Variants in PLEKHG4B observed in about 807,000 individuals in gnomAD.
PLEKHG4B encodes pleckstrin homology and RhoGEF domain containing G4B.
PLEKHG4B carries 111 observed loss-of-function variants against 121.3 expected under a neutral mutation model. That is an observed-to-expected ratio of 0.92 (90% CI 0.78 to 1.07). The LOEUF (loss-of-function observed/expected upper bound fraction) is 1.07. PLEKHG4B is among the 50% of genes least tolerant of loss of function. The probability of loss-of-function intolerance (pLI) is 0.00; values close to 1 mark genes in which losing one functional copy is unlikely to be tolerated. For synonymous variants in PLEKHG4B, 738 were observed against 725.0 expected, an observed-to-expected ratio of 1.02 and a Z score of -0.29; for missense variants, 1,831 against 1,757.8, an observed-to-expected ratio of 1.04 and a Z score of -0.74.
chr5:173,707 C>A (rs1326426848), intron 17 of PLEKHG4B, among the ~76,000 whole-genome samples: 1 of 152,048 alleles, frequency 6.6e-6, no homozygotes, highest in East Asian at 1.9e-4. Flanking sequence ...CACACACGGA[C>A]AGCTATCCTG....
intron 13 of PLEKHG4B, 167 bp from the exon 14 acceptor site, chr5:169,173 C>A: frequency 1.1e-6 from 1 of 905,228 alleles, no homozygotes; most frequent in Non-Finnish European, 1.6e-6. Context: ...CACGCCTGGC[C>A]GGAAGCTTTT....
chr5:135,059 G>A (rs1414066840), intron 2 of PLEKHG4B, among the ~76,000 whole-genome samples: 1 of 151,250 alleles, frequency 6.6e-6, no homozygotes, highest in Non-Finnish European at 1.5e-5. Flanking sequence ...CATGGTGGCG[G>A]GCGCCTGTAG....
At position 169,511 on chromosome 5, in the gene PLEKHG4B, C is replaced by A; in HGVS notation, c.3648C>A (p.Asp1216Glu). Residue 1216 changes from aspartate to glutamate, a missense_variant, in exon 14 of 20, where the codon GAC becomes GAA. Transcript: ENST00000637938. ...VIFGNLEKLH[D>E]FHQQHFLREL... ...TCGGCAACTTGGAGAAGCTCCACGA[C>A]TTCCACCAGCAGCACTTCCTCCGGG... 1 of 1,614,048 alleles carries A rather than the reference C, an allele frequency of 6.2e-7. No homozygotes were observed. The highest frequency in any genetic ancestry group is 1.3e-5 in the African/African-American group (1 of 74,964).
At chr5:162,695 C>A in intron 12 of PLEKHG4B, 27 bp from the exon 13 acceptor site, 1 of 1,418,306 alleles carries the variant, frequency 7.1e-7, no homozygotes, top group Non-Finnish European at 9.2e-7. Context: ...CTCCACTGCA[C>A]TGAGCAGAGC....
intron 2 of PLEKHG4B, among the ~76,000 whole-genome samples, chr5:135,679 AAAAATATAT>A (rs1279311464): frequency 2.6e-4 from 15 of 57,124 alleles, no homozygotes; most frequent in Admixed American, 4.2e-4. Context: ...AAAAAAAAAA[AAAAATATAT>A]ATATATATAT....
At chr5:163,999 G>A (rs1215079291) in intron 13 of PLEKHG4B, among the ~76,000 whole-genome samples, 6 of 152,278 alleles carry the variant, frequency 3.9e-5, no homozygotes, top group African/African-American at 1.4e-4. Context: ...AGCCTGCAAA[G>A]GACGCGTCCA....
rs115625431 is a variant in PLEKHG4B, at chr5:139,134, C to A, written c.244-349C>A. Among the ~76,000 whole-genome samples the A allele has an allele frequency of 0.025, 3,789 of 152,288 alleles. 147 individuals are homozygous for A. The highest frequency in any genetic ancestry group is 0.082 in the African/African-American group (3,417 of 41,546). Reference sequence around the variant, plus strand: ...AAGTGTGGACGCCCGGCCCCTTGCCCAGGCTGGGACCACTCTGAGGGACAA... The same window carrying A: ...AAGTGTGGACGCCCGGCCCCTTGCCAAGGCTGGGACCACTCTGAGGGACAA... On this transcript the variant is annotated intron_variant, in intron 2 of 19. Transcript: ENST00000637938. The surrounding 1 kb of genome is among the most constrained non-coding windows in gnomAD (Gnocchi z 5.0).
intron 1 of PLEKHG4B, among the ~76,000 whole-genome samples, chr5:111,900 CATGGA>C (rs1734169434): frequency 6.6e-6 from 1 of 150,596 alleles, no homozygotes; most frequent in African/African-American, 2.5e-5. Flanking sequence ...CACTCATTCT[CATGGA>C]CTGTGTGACC....
At chr5:114,163 G>T (rs1282175019) in intron 2 of PLEKHG4B, among the ~76,000 whole-genome samples, 2 of 152,188 alleles carry the variant, frequency 1.3e-5, no homozygotes, top group African/African-American at 4.8e-5. Context: ...CCTTAATGTT[G>T]ATGGCTGCTG....
At chr5:173,417 C>T (rs190332524) in intron 17 of PLEKHG4B, among the ~76,000 whole-genome samples, 1 of 152,198 alleles carries the variant, frequency 6.6e-6, no homozygotes, top group Non-Finnish European at 1.5e-5. Flanking sequence ...GCTGATGCAC[C>T]ACGTTGGGCA....
chr5:139,874 C>G lies in PLEKHG4B; in HGVS notation c.635C>G (p.Ser212Cys), dbSNP rs1418651963. 7.5e-6 allele frequency: 3 copies of G among 400,246 alleles called. No homozygotes were observed. Among genetic ancestry groups the G allele is most frequent in the Non-Finnish European group, 1.3e-5 (3 of 227,260 alleles). The allele number at this position is 400,246 out of a possible 1,614,324, so 24.8% of individuals were successfully genotyped here. The change falls in exon 3 of 20, where the codon TCC (serine) becomes TGC (cysteine). Residue 212 changes from serine to cysteine, a missense_variant. Physicochemically the swap from Ser to Cys is moderately radical, Grantham distance 112 (BLOSUM62 -1). Coordinates refer to ENST00000637938, the MANE Select transcript of PLEKHG4B (RefSeq NM_052909.5). This position sits in a 1 kb window ranked among gnomAD's most constrained non-coding sequence, Gnocchi z 5.0. ...CCTGGAGCCATCCTGCAGAGCTACTCCAGCTGCACAGGTCCTGAGCGGCTG... is the reference window on the plus strand; with the variant it reads ...CCTGGAGCCATCCTGCAGAGCTACTGCAGCTGCACAGGTCCTGAGCGGCTG... Reference protein sequence around the residue: ...PSPGAILQSYSSCTGPERLPS... With the variant: ...PSPGAILQSYCSCTGPERLPS...
Position 157,055 on chromosome 5 carries a change from C to G in PLEKHG4B, c.2487+144C>G. On this transcript the variant is annotated intron_variant, in intron 11 of 19. Coordinates refer to ENST00000637938, the MANE Select transcript of PLEKHG4B (RefSeq NM_052909.5). The surrounding 1 kb of genome is among the most constrained non-coding windows in gnomAD (Gnocchi z 4.6). ...TGAAATTATGTCAGGATAGGGCATG[C>G]CTTGCTGCTTGTGTAAAAAGAAATA... is the stretch of plus-strand genomic sequence containing the variant. The G allele has an allele frequency of 8.8e-7, 1 of 1,130,004 alleles. No homozygotes were observed. Among genetic ancestry groups the G allele is most frequent in the Non-Finnish European group, 1.3e-6 (1 of 774,672 alleles). 70.0% of individuals were successfully genotyped at this position (1,130,004 alleles called of 1,614,324 possible).
intron 2 of PLEKHG4B, among the ~76,000 whole-genome samples, chr5:131,586 G>T (rs879726900): frequency 6.6e-6 from 1 of 152,170 alleles, no homozygotes; most frequent in Non-Finnish European, 1.5e-5. Flanking sequence ...GTGTGCATGT[G>T]TCTTTATAGT....
Position 139,875 on chromosome 5 carries a change from C to G in PLEKHG4B, c.636C>G (p.Ser212=), listed in dbSNP as rs1377951491. The G allele has an allele frequency of 1.2e-5, 5 of 400,556 alleles. 1 individual carries two copies. Among genetic ancestry groups the G allele is most frequent in the African/African-American group, 8.2e-5 (4 of 48,582 alleles). The allele number at this position is 400,556 out of a possible 1,614,324, so 24.8% of individuals were successfully genotyped here. The change falls in exon 3 of 20, where the codon TCC becomes TCG. Residue 212 remains serine (S), a synonymous_variant. Coordinates refer to ENST00000637938, the MANE Select transcript of PLEKHG4B (RefSeq NM_052909.5). This position sits in a 1 kb window ranked among gnomAD's most constrained non-coding sequence, Gnocchi z 5.0. ...CTGGAGCCATCCTGCAGAGCTACTC[C>G]AGCTGCACAGGTCCTGAGCGGCTGC... is the stretch of plus-strand genomic sequence containing the variant. ...PSPGAILQSY[S]SCTGPERLPS...
intron 2 of PLEKHG4B, among the ~76,000 whole-genome samples, chr5:127,945 T>G (rs1367958511): frequency 2.0e-5 from 3 of 152,138 alleles, no homozygotes; most frequent in Non-Finnish European, 4.4e-5. Context: ...AACTAGGGGA[T>G]TTGGTGAATT....
At chr5:125,006 G>T (rs756829820) in intron 2 of PLEKHG4B, among the ~76,000 whole-genome samples, 1 of 152,030 alleles carries the variant, frequency 6.6e-6, no homozygotes, top group Non-Finnish European at 1.5e-5. Flanking sequence ...GGAGGCGTGC[G>T]ACTGTAATCC....
intron 2 of PLEKHG4B, among the ~76,000 whole-genome samples, chr5:123,946 GT>G (rs1354967523): frequency 6.6e-6 from 1 of 151,888 alleles, no homozygotes; most frequent in African/African-American, 2.4e-5. Flanking sequence ...GTAAAGTTAG[GT>G]TGTTGATTTG....
intron 18 of PLEKHG4B, among the ~76,000 whole-genome samples, chr5:178,033 C>CTTTTCTGTTG (rs900739376): frequency 9.2e-5 from 14 of 152,196 alleles, no homozygotes; most frequent in African/African-American, 3.1e-4. Context: ...GCTTTCGTCC[C>CTTTTCTGTTG]TTTTCTGTTG....
intron 3 of PLEKHG4B, among the ~76,000 whole-genome samples, chr5:141,957 G>A (rs1180937730): frequency 6.6e-6 from 1 of 152,142 alleles, no homozygotes; most frequent in African/African-American, 2.4e-5. Context: ...CGGAGGCAAT[G>A]GCACCACAGC....
Sources: gnomAD v4.1 joint callset for allele counts (sites outside exome capture counted in the v4.1 genomes callset) on GRCh38, gnomAD v4.1.1 for gene constraint, Gnocchi (gnomAD v3.1) non-coding constraint, MANE v1.5 for transcripts, NCBI Gene and HGNC (gene_info 2026-07-23, HGNC 2026-07-21) for gene names.